Variants in TMPRSS2 observed in about 807,000 individuals in gnomAD.
The protein encoded by TMPRSS2 is transmembrane serine protease 2.
In TMPRSS2, 59 loss-of-function variants were observed where a neutral mutation model predicts 67.4. That is an observed-to-expected ratio of 0.88 (90% CI 0.71 to 1.09). The LOEUF is 1.09. Ranked by LOEUF, TMPRSS2 falls within the 50% of genes least tolerant of loss-of-function variation. The pLI, the probability that TMPRSS2 is intolerant of heterozygous loss-of-function variation, is 0.00. For missense variants in TMPRSS2, 668 were observed against 642.7 expected (o/e 1.04, Z -0.43); for synonymous variants, 257 against 257.0 (o/e 1.00, Z 0.00).
chr21:41,468,034 T>C (rs2091099226), intron 12 of TMPRSS2, 148 bp from the exon 13 acceptor site: 5 of 800,078 alleles, frequency 6.2e-6, no homozygotes, highest in Non-Finnish European at 9.9e-6. Flanking sequence ...CATCAAGGGG[T>C]GATGGTAACA....
chr21:41,488,867 C>T (rs976594096), intron 4 of TMPRSS2, among the ~76,000 whole-genome samples: 2 of 152,200 alleles, frequency 1.3e-5, no homozygotes, highest in African/African-American at 4.8e-5. Flanking sequence ...TCTCAAACTC[C>T]TGACCTCAGG....
chr21:41,496,966 G>A lies in TMPRSS2; in HGVS notation c.15+1153C>T, dbSNP rs1181085506. Reference sequence around the variant, plus strand: ...AGTGATTCGTCTGCCTCAGCCGCCCGAGTAGCTGGGATTACAGGCATGCAC... The same window carrying A: ...AGTGATTCGTCTGCCTCAGCCGCCCAAGTAGCTGGGATTACAGGCATGCAC... On this transcript the variant is annotated intron_variant, in intron 2 of 13. Transcript: ENST00000332149. Among the ~76,000 whole-genome samples the A allele has an allele frequency of 2.7e-5, 4 of 150,376 alleles. No homozygotes were observed. In the South Asian group the frequency reaches 6.3e-4, roughly 24 times the overall value.
rs558683527 is a variant in TMPRSS2 at position 41,482,780 on chromosome 21, T to C, written c.446-2178A>G. 4.6e-5 allele frequency among the ~76,000 whole-genome samples: 7 copies of C among 152,250 alleles called. No individual in the cohort carries two copies. The South Asian group carries it at 1.0e-3, about 23-fold the overall frequency. On this transcript the variant is annotated intron_variant, in intron 5 of 13. Transcript: ENST00000332149. Reference sequence around the variant, plus strand: ...TAAAAAGAAATGAGCTATCAAGCCATGAAAAGGCATGGAGGAAACTTGAAT... The same window carrying C: ...TAAAAAGAAATGAGCTATCAAGCCACGAAAAGGCATGGAGGAAACTTGAAT...
At chr21:41,488,336 C>T (rs2091312290) in intron 5 of TMPRSS2, 58 bp downstream of exon 5, 3 of 1,583,594 alleles carry the variant, frequency 1.9e-6, no homozygotes, top group South Asian at 1.1e-5. Context: ...CCCCTGGACC[C>T]GGCTGCTGTC....
intron 3 of TMPRSS2, among the ~76,000 whole-genome samples, chr21:41,491,145 C>T (rs1250490796): frequency 7.3e-6 from 1 of 136,686 alleles, no homozygotes; most frequent in African/African-American, 2.8e-5. Flanking sequence ...CATGAATCTG[C>T]ATTGCATTTT....
chr21:41,505,554 G>A (rs548025657), intron 1 of TMPRSS2, among the ~76,000 whole-genome samples: 21 of 152,236 alleles, frequency 1.4e-4, no homozygotes, highest in Non-Finnish European at 2.6e-4. Context: ...TCAGCCCTCC[G>A]CAGGCCCCCT....
rs757634613 is a variant in TMPRSS2, at chr21:41,473,380, C to T, written c.844G>A (p.Gly282Arg). The change falls in exon 9 of 14, where the codon GGA (glycine) becomes AGA (arginine). Residue 282 changes from glycine to arginine, a missense_variant. Coordinates refer to ENST00000332149, the MANE Select transcript of TMPRSS2 (RefSeq NM_005656.4). ...CACTCGGGGGTGATGATGGAGCCTC[C>T]GCACACGTGGACGTTCTGGACGTGC... ...SLHVQNVHVC[G>R]GSIITPEWIV... 1.5e-5 allele frequency: 24 copies of T among 1,609,784 alleles called. No homozygotes were observed. Among genetic ancestry groups the T allele is most frequent in the South Asian group, 3.3e-5 (3 of 90,552 alleles).
Position 41,468,558 on chromosome 21 carries a change from T to G in TMPRSS2, c.1172-20A>C. On this transcript the variant is annotated intron_variant, in intron 11 of 13. Coordinates refer to ENST00000332149, the MANE Select transcript of TMPRSS2 (RefSeq NM_005656.4). The stretch of plus-strand genomic sequence containing the variant: ...TCTTCCCTAAGGACAGGGAGACTTG[T>G]TGAGCTCCCAGTGTTGCCTGCAGCT... 1 of 1,613,382 alleles carries G rather than the reference T, an allele frequency of 6.2e-7. No homozygotes were observed.
chr21:41,465,980 G>T lies in TMPRSS2; in HGVS notation c.*162C>A. The stretch of plus-strand genomic sequence containing the variant: ...CAGGCTGGGCAGGGGAGCCACTGCA[G>T]CCTGCACAGAATGGCAGAGAGTGCC... On this transcript the variant is annotated 3_prime_UTR_variant, in exon 14 of 14. Transcript: ENST00000332149. 1 of 846,938 alleles carries T rather than the reference G, an allele frequency of 1.2e-6. No individual in the cohort carries two copies. Among genetic ancestry groups the T allele is most frequent in the Non-Finnish European group, 1.9e-6 (1 of 532,378 alleles). 52.5% of individuals were successfully genotyped at this position (846,938 alleles called of 1,614,324 possible).
Position 41,494,558 on chromosome 21 carries a change from T to C in TMPRSS2, c.36A>G (p.Gly12=). ...GGTATCCATGGTTTTCATAGTAAGGTCCAATAGCTGGTGGTGACCCCTAAA... is the reference window on the plus strand; with the variant it reads ...GGTATCCATGGTTTTCATAGTAAGGCCCAATAGCTGGTGGTGACCCCTAAA... ...ALNSGSPPAI[G]PYYENHGYQP... Residue 12 remains glycine (G), a synonymous_variant, in exon 3 of 14, where the codon GGA becomes GGG. Transcript: ENST00000332149. 6.2e-7 allele frequency: 1 copy of C among 1,613,538 alleles called. No individual in the cohort carries two copies. Among genetic ancestry groups the C allele is most frequent in the African/African-American group, 1.3e-5 (1 of 74,934 alleles).
At chr21:41,470,042 T>C (rs1601561274) in intron 11 of TMPRSS2, among the ~76,000 whole-genome samples, 1 of 152,182 alleles carries the variant, frequency 6.6e-6, no homozygotes, top group East Asian at 1.9e-4. Context: ...AAAGGATTTG[T>C]TGTCTGTATG....
intron 5 of TMPRSS2, 149 bp downstream of exon 5, chr21:41,488,245 C>T (rs1024638954): frequency 1.0e-6 from 1 of 970,220 alleles, no homozygotes; most frequent in East Asian, 2.7e-5. Context: ...TCTCTGAGCC[C>T]CAGGGCTCAG....
chr21:41,467,484 A>G (rs1029992389), intron 13 of TMPRSS2, among the ~76,000 whole-genome samples: 1 of 152,134 alleles, frequency 6.6e-6, no homozygotes, highest in African/African-American at 2.4e-5. Context: ...GCACCAAGGA[A>G]TTTCACACAA....
chr21:41,469,346 A>G (rs1443772131), intron 11 of TMPRSS2, among the ~76,000 whole-genome samples: 1 of 151,920 alleles, frequency 6.6e-6, no homozygotes, highest in Non-Finnish European at 1.5e-5. Flanking sequence ...GTCTCAAGGA[A>G]CCACAGCAAT....
At chr21:41,470,500 G>A in intron 11 of TMPRSS2, 148 bp downstream of exon 11, 2 of 686,314 alleles carry the variant, frequency 2.9e-6, no homozygotes, top group East Asian at 2.7e-5. Context: ...AGCAGATGGA[G>A]AAACTGAGGC....
intron 1 of TMPRSS2, among the ~76,000 whole-genome samples, chr21:41,507,216 G>C (rs1246889880): frequency 6.6e-6 from 1 of 152,210 alleles, no homozygotes; most frequent in Non-Finnish European, 1.5e-5. Context: ...CCCACTGCCA[G>C]ACTGGAGCAC....
intron 5 of TMPRSS2, among the ~76,000 whole-genome samples, chr21:41,481,479 G>T (rs533708336): frequency 6.6e-6 from 1 of 152,198 alleles, no homozygotes; most frequent in African/African-American, 2.4e-5. Flanking sequence ...GACGGGCTGG[G>T]AGGAGGGATA....
At chr21:41,496,682 G>T (rs1200686234) in intron 2 of TMPRSS2, among the ~76,000 whole-genome samples, 2 of 151,834 alleles carry the variant, frequency 1.3e-5, no homozygotes, top group Non-Finnish European at 2.9e-5. Flanking sequence ...GGCCCCACCA[G>T]CCCACATCTT....
At chr21:41,472,948 C>T (rs2091147196) in intron 9 of TMPRSS2, among the ~76,000 whole-genome samples, 1 of 152,198 alleles carries the variant, frequency 6.6e-6, no homozygotes, top group Non-Finnish European at 1.5e-5. Context: ...GCAGGGCAGC[C>T]TGAAGCCTGT....
Sources: gnomAD v4.1 joint callset for allele counts (sites outside exome capture counted in the v4.1 genomes callset) on GRCh38, gnomAD v4.1.1 for gene constraint, MANE v1.5 for transcripts, NCBI Gene and HGNC (gene_info 2026-07-23, HGNC 2026-07-21) for gene names.